RAP1GAP2: variants seen among roughly 807,000 people sequenced by gnomAD.
The protein encoded by RAP1GAP2 is rap1 GTPase-activating protein 2.
Under a neutral mutation model 95.0 loss-of-function variants are expected in RAP1GAP2, and 27 were observed. The ratio of observed to expected loss-of-function variants is 0.28; its 90% confidence interval spans 0.21 to 0.39. The LOEUF (loss-of-function observed/expected upper bound fraction) is 0.39. Ranked by LOEUF, RAP1GAP2 falls within the 10% of genes least tolerant of loss-of-function variation. The probability of loss-of-function intolerance (pLI) is 1.00; values close to 1 mark genes in which losing one functional copy is unlikely to be tolerated. For synonymous variants in RAP1GAP2, 373 were observed against 380.9 expected (o/e 0.98, Z 0.24); for missense variants, 771 against 970.0 (o/e 0.79, Z 2.72).
chr17:2,845,744 C>A (rs2071556856), intron 2 of RAP1GAP2, among the ~76,000 whole-genome samples: 1 of 151,768 alleles, frequency 6.6e-6, no homozygotes, highest in Non-Finnish European at 1.5e-5. Flanking sequence ...GCCTGTAATC[C>A]CAGCTACTCT....
upstream of RAP1GAP2, among the ~76,000 whole-genome samples, chr17:2,793,314 C>A (rs149072331): frequency 6.6e-6 from 1 of 152,102 alleles, no homozygotes; most frequent in African/African-American, 2.4e-5. Flanking sequence ...CCACGACGCC[C>A]GGCTAATTTT....
At chr17:2,913,916 G>C (rs926373809) in intron 3 of RAP1GAP2, among the ~76,000 whole-genome samples, 2 of 151,826 alleles carry the variant, frequency 1.3e-5, no homozygotes, top group South Asian at 2.1e-4. Flanking sequence ...TGTTGCCCAG[G>C]CTGGAGAGCA....
chr17:2,815,731 C>G (rs1290350381), intron 2 of RAP1GAP2, among the ~76,000 whole-genome samples: 1 of 152,172 alleles, frequency 6.6e-6, no homozygotes, highest in East Asian at 1.9e-4. Flanking sequence ...ATCCGCCCAC[C>G]TTGGCCTCCC....
At chr17:2,995,585 G>T in intron 13 of RAP1GAP2, 119 bp downstream of exon 13, 2 of 1,364,628 alleles carry the variant, frequency 1.5e-6, no homozygotes, top group Admixed American at 4.3e-5. Flanking sequence ...CCGGCCATTC[G>T]TTCAGCTGCG....
chr17:2,852,932 C>T (rs939990876), intron 2 of RAP1GAP2, among the ~76,000 whole-genome samples: 1 of 152,108 alleles, frequency 6.6e-6, no homozygotes, highest in African/African-American at 2.4e-5. Context: ...GAGGCTCGCG[C>T]GCGGCTGGCA....
chr17:3,012,603 C>G (rs1409633930), intron 17 of RAP1GAP2, among the ~76,000 whole-genome samples: 1 of 35,508 alleles, frequency 2.8e-5, no homozygotes, highest in Non-Finnish European at 4.5e-5. Flanking sequence ...CAGACTGTGT[C>G]TCAAAAAAAA....
At chr17:2,859,589 C>G (rs1234146853) in intron 2 of RAP1GAP2, among the ~76,000 whole-genome samples, 1 of 151,924 alleles carries the variant, frequency 6.6e-6, no homozygotes, top group Admixed American at 6.6e-5. Context: ...GTGTCCGTCA[C>G]AACACCCAGC....
intron 2 of RAP1GAP2, among the ~76,000 whole-genome samples, chr17:2,877,287 C>A (rs1191090027): frequency 6.6e-6 from 1 of 152,204 alleles, no homozygotes; most frequent in African/African-American, 2.4e-5. Flanking sequence ...ATCTCCACCA[C>A]GGTCTTTTGA....
rs556579996 is a variant in RAP1GAP2, at chr17:2,873,302, A to G, written c.81-31982A>G. ...TGGTGAAACCCTATCTCTACCAAAA[A>G]TACAAAAAAAAAAAAAAAAAAAATT... On this transcript the variant is annotated intron_variant, in intron 2 of 24. Transcript: ENST00000254695. Among the ~76,000 whole-genome samples the G allele has an allele frequency of 8.7e-5, 7 of 80,294 alleles. No individual in the cohort carries two copies. The South Asian group carries it at 3.4e-3, about 39-fold the overall frequency. 52.7% of individuals were successfully genotyped at this position (80,294 alleles called of 152,430 possible).
chr17:2,882,392 A>G (rs183685350), intron 2 of RAP1GAP2, among the ~76,000 whole-genome samples: 28 of 151,612 alleles, frequency 1.8e-4, no homozygotes, highest in African/African-American at 6.0e-4. Context: ...CCCAGGTTCA[A>G]GTGATTCTCC....
At chr17:2,820,179 G>A (rs1171681036) in intron 2 of RAP1GAP2, among the ~76,000 whole-genome samples, 2 of 152,024 alleles carry the variant, frequency 1.3e-5, no homozygotes, top group Admixed American at 6.6e-5. Flanking sequence ...CACCTAGGTC[G>A]TTTCCATTTT....
At chr17:2,950,846 A>G (rs572165767) in intron 3 of RAP1GAP2, among the ~76,000 whole-genome samples, 57 of 151,900 alleles carry the variant, frequency 3.8e-4, no homozygotes, top group Admixed American at 1.9e-3. Context: ...CCTGACCTCA[A>G]GTGATCCACC....
chr17:2,942,514 G>A (rs2043534955), intron 3 of RAP1GAP2, among the ~76,000 whole-genome samples: 1 of 152,088 alleles, frequency 6.6e-6, no homozygotes, highest in Non-Finnish European at 1.5e-5. Flanking sequence ...GGCTTATTTT[G>A]AAAACTTCAG....
intron 1 of RAP1GAP2, among the ~76,000 whole-genome samples, chr17:2,757,153 C>T (rs1342741843): frequency 6.6e-6 from 1 of 152,214 alleles, no homozygotes; most frequent in East Asian, 1.9e-4. Context: ...GGGTCTCACT[C>T]TGTTGCCCAG....
At chr17:2,863,448 G>A (rs1254413286) in intron 2 of RAP1GAP2, among the ~76,000 whole-genome samples, 1 of 152,172 alleles carries the variant, frequency 6.6e-6, no homozygotes, top group Non-Finnish European at 1.5e-5. Flanking sequence ...GAGACATGTC[G>A]GCCCCATGTG....
chr17:2,814,936 C>T (rs1373201164), intron 2 of RAP1GAP2, among the ~76,000 whole-genome samples: 2 of 152,090 alleles, frequency 1.3e-5, no homozygotes, highest in South Asian at 2.1e-4. Flanking sequence ...CTTTGTTCTA[C>T]GAGCTCGGGA....
chr17:2,932,023 G>A (rs1215476291), intron 3 of RAP1GAP2, among the ~76,000 whole-genome samples: 4 of 152,152 alleles, frequency 2.6e-5, no homozygotes, highest in African/African-American at 7.2e-5. Flanking sequence ...TCAGTCCGGC[G>A]CATTTGATCA....
chr17:2,927,960 T>C (rs2043022260), intron 3 of RAP1GAP2, among the ~76,000 whole-genome samples: 2 of 152,202 alleles, frequency 1.3e-5, no homozygotes, highest in Non-Finnish European at 2.9e-5. Flanking sequence ...GGATGGAATA[T>C]GTGCCTAAGC....
intron 3 of RAP1GAP2, among the ~76,000 whole-genome samples, chr17:2,924,933 C>T (rs2042904008): frequency 6.6e-6 from 1 of 152,162 alleles, no homozygotes; most frequent in South Asian, 2.1e-4. Flanking sequence ...TGCATCTCAT[C>T]TCAGAGATGC....
Sources: gnomAD v4.1 joint callset for allele counts (sites outside exome capture counted in the v4.1 genomes callset) on GRCh38, gnomAD v4.1.1 for gene constraint, MANE v1.5 for transcripts, NCBI Gene and HGNC (gene_info 2026-07-23, HGNC 2026-07-21) for gene names.